The following PDGFB variants were observed in gnomAD, a reference collection of about 807,000 sequenced individuals.
The protein encoded by PDGFB is platelet-derived growth factor subunit B.
PDGFB carries 6 observed loss-of-function variants against 29.0 expected under a neutral mutation model. That is an observed-to-expected ratio of 0.21 (90% CI 0.11 to 0.41). PDGFB has a LOEUF of 0.41. Ranked by LOEUF, PDGFB falls within the 10% of genes least tolerant of loss-of-function variation. The pLI, the probability that PDGFB is intolerant of heterozygous loss-of-function variation, is 1.00. For missense variants in PDGFB, 299 were observed against 341.8 expected, an observed-to-expected ratio of 0.87 and a Z score of 0.99; for synonymous variants, 144 against 140.8, an observed-to-expected ratio of 1.02 and a Z score of -0.16.
Position 39,242,327 on chromosome 22 carries a change from G to T in PDGFB, c.63+1574C>A, listed in dbSNP as rs913241270. On this transcript the variant is annotated intron_variant, in intron 1 of 6. Coordinates refer to ENST00000331163, the MANE Select transcript of PDGFB (RefSeq NM_002608.4). The surrounding 1 kb of genome is among the most constrained non-coding windows in gnomAD (Gnocchi z 5.7). ...TGAGCGAGTCGGGGGCCCGGGCGGG[G>T]TGGGCTGCGGAGAGCAGCCACGGGG... 2 of 206,614 alleles carry T rather than the reference G, an allele frequency of 9.7e-6. No homozygotes were observed. The highest frequency in any genetic ancestry group is 2.0e-5 in the Non-Finnish European group (2 of 101,358). 12.8% of individuals were successfully genotyped at this position (206,614 alleles called of 1,614,324 possible).
At chr22:39,230,053 G>C in intron 5 of PDGFB, 31 bp downstream of exon 5, 1 of 1,609,828 alleles carries the variant, frequency 6.2e-7, no homozygotes, top group Non-Finnish European at 8.5e-7. Context: ...AGGGGAAGGG[G>C]GCTGAGGGCT....
In PDGFB at chr22:39,231,911, G is replaced by A. The variant is rs1474219251; in HGVS notation, c.251-84C>T. 13 of 1,159,542 alleles carry A rather than the reference G, an allele frequency of 1.1e-5. No homozygotes were observed. The highest frequency in any genetic ancestry group is 5.1e-5 in the East Asian group (2 of 39,442). 71.8% of individuals were successfully genotyped at this position (1,159,542 alleles called of 1,614,324 possible). On this transcript the variant is annotated intron_variant, in intron 3 of 6. Coordinates refer to ENST00000331163, the MANE Select transcript of PDGFB (RefSeq NM_002608.4). The surrounding 1 kb of genome is among the most constrained non-coding windows in gnomAD (Gnocchi z 4.3). ...GCAGGGGAGCTCAGCGGGTGCCTCC[G>A]GGACTGCTCTTTCTCACGCCCTTCA...
At position 39,225,633 on chromosome 22, in the gene PDGFB, C is replaced by T. The variant is rs966878286; in HGVS notation, c.*28+62G>A. The T allele has an allele frequency of 5.1e-5, 75 of 1,475,524 alleles. No individual in the cohort carries two copies. In the South Asian group the frequency reaches 8.7e-4, roughly 17 times the overall value. The allele number at this position is 1,475,524 out of a possible 1,614,324, so 91.4% of individuals were successfully genotyped here. On this transcript the variant is annotated intron_variant, in intron 6 of 6. Transcript: ENST00000331163. The stretch of plus-strand genomic sequence containing the variant: ...GAAAAATCCTTTCCCCTGACCCCAT[C>T]CACAGACCACAGAGAAGAAAACACA...
intron 1 of PDGFB, 102 bp from the exon 2 acceptor site, chr22:39,235,976 C>T (rs1932434217): frequency 1.5e-5 from 12 of 797,820 alleles, no homozygotes; most frequent in Non-Finnish European, 2.5e-5. Context: ...CTGTGGAAAG[C>T]TCCAAGGTCA....
chr22:39,225,669 C>T, intron 6 of PDGFB, 26 bp downstream of exon 6: 2 of 1,586,436 alleles, frequency 1.3e-6, no homozygotes, highest in African/African-American at 2.7e-5. Context: ...GGATTCTGGG[C>T]CTCAGTTGCC....
rs1032650047 is a variant in PDGFB, at chr22:39,244,041, TG to T, written c.-79del. 1 of 137,500 alleles carries T rather than the reference TG, an allele frequency of 7.3e-6. No homozygotes were observed. The allele number at this position is 137,500 out of a possible 1,614,324, so 8.5% of individuals were successfully genotyped here. A position where few individuals can be genotyped will look rare whatever the true frequency, so the allele number is the denominator to read the frequency against. ...CGCCCCCGCGGCCAGGGTGGGGGGC[TG>T]GGGAGGGGGGTGGGCTCGGCTCGGG... On this transcript the variant is annotated 5_prime_UTR_variant, in exon 1 of 7. Transcript: ENST00000331163. The surrounding 1 kb of genome is among the most constrained non-coding windows in gnomAD (Gnocchi z 4.5).
chr22:39,228,814 A>C (rs1207274397), intron 5 of PDGFB, among the ~76,000 whole-genome samples: 1 of 151,426 alleles, frequency 6.6e-6, no homozygotes, highest in Non-Finnish European at 1.5e-5. Flanking sequence ...GCTTGAACCC[A>C]GGAGGTAGAG....
At position 39,243,785 on chromosome 22, in the gene PDGFB, TCAGGCTCG is replaced by T. The variant is rs1407499007; in HGVS notation, c.63+108_63+115del. ...CGAAGAGGTCACCCAGCGCCCGGCGTCAGGCTCGCGGGCTGCAAGGGTCCAAAGTTCAC... is the reference window on the plus strand; with the variant it reads ...CGAAGAGGTCACCCAGCGCCCGGCGTCGGGCTGCAAGGGTCCAAAGTTCAC... On this transcript the variant is annotated intron_variant, in intron 1 of 6. Transcript: ENST00000331163. This position sits in a 1 kb window ranked among gnomAD's most constrained non-coding sequence, Gnocchi z 6.4. 1.3e-6 allele frequency: 1 copy of T among 752,648 alleles called. No homozygotes were observed. The highest frequency in any genetic ancestry group is 3.2e-5 in the East Asian group (1 of 30,782). The allele number at this position is 752,648 out of a possible 1,614,324, so 46.6% of individuals were successfully genotyped here. A position where few individuals can be genotyped will look rare whatever the true frequency, so the allele number is the denominator to read the frequency against.
At chr22:39,240,902 C>G in intron 1 of PDGFB, 1 of 1,603,156 alleles carries the variant, frequency 6.2e-7, no homozygotes, top group Non-Finnish European at 8.5e-7. Flanking sequence ...CAGTCTCTCT[C>G]TCTCTCTCTC....
chr22:39,237,953 G>A (rs547952735), intron 1 of PDGFB, among the ~76,000 whole-genome samples: 14 of 152,368 alleles, frequency 9.2e-5, no homozygotes, highest in Admixed American at 4.6e-4. Flanking sequence ...AACAAGAAGC[G>A]TTTGTGGAGT....
rs144688352 is a variant in PDGFB, at chr22:39,243,173, A to G, written c.63+728T>C. On this transcript the variant is annotated intron_variant, in intron 1 of 6. Transcript: ENST00000331163. This position sits in a 1 kb window ranked among gnomAD's most constrained non-coding sequence, Gnocchi z 6.4. ...GGGGCTGGATTCCTTCAGAGCCCCT[A>G]GTCCTCCCCCTACCCGAGTGCCCGA... Among the ~76,000 whole-genome samples the G allele has an allele frequency of 3.1e-4, 47 of 151,988 alleles. No homozygotes were observed. Among genetic ancestry groups the G allele is most frequent in the African/African-American group, 1.1e-3 (45 of 41,436 alleles).
intron 6 of PDGFB, 103 bp downstream of exon 6, chr22:39,225,592 G>A: frequency 5.9e-6 from 7 of 1,195,916 alleles, no homozygotes; most frequent in Non-Finnish European, 8.1e-6. Flanking sequence ...AAGGCTCAGA[G>A]GCTGGATTTT....
rs1346094227 is a variant in PDGFB, at chr22:39,242,494, G to A, written c.63+1407C>T. On this transcript the variant is annotated intron_variant, in intron 1 of 6. Coordinates refer to ENST00000331163, the MANE Select transcript of PDGFB (RefSeq NM_002608.4). This position sits in a 1 kb window ranked among gnomAD's most constrained non-coding sequence, Gnocchi z 5.7. ...GGGGCTGCGGGAGAGGCGGAGAGGG[G>A]GCGTCGGGAGGGGCCTGAAGGCGGC... Among the ~76,000 whole-genome samples the A allele has an allele frequency of 6.6e-6, 1 of 150,520 alleles. No individual in the cohort carries two copies. The highest frequency in any genetic ancestry group is 2.4e-5 in the African/African-American group (1 of 41,228).
rs368848139 is a variant in PDGFB, at chr22:39,223,529, ATGTGTG to A, written c.*1807_*1812del. On this transcript the variant is annotated 3_prime_UTR_variant, in exon 7 of 7. Transcript: ENST00000331163. ...TATGTGCACGCATGTGTGAGCATGT[ATGTGTG>A]TGTGTGTGTATGTGCACGCCAGTGT... 48 of 151,700 alleles carry A rather than the reference ATGTGTG, an allele frequency of 3.2e-4. No individual in the cohort carries two copies. The highest frequency in any genetic ancestry group is 1.1e-3 in the African/African-American group (45 of 41,314). The allele number at this position is 151,700 out of a possible 1,614,324, so 9.4% of individuals were successfully genotyped here. A position where few individuals can be genotyped will look rare whatever the true frequency, so the allele number is the denominator to read the frequency against.
At chr22:39,235,650 C>G (rs1226660671) in intron 2 of PDGFB, 128 bp downstream of exon 2, 1 of 686,364 alleles carries the variant, frequency 1.5e-6, no homozygotes, top group Non-Finnish European at 2.5e-6. Flanking sequence ...TGGCCACGCT[C>G]TCTCTGGGCT....
chr22:39,227,184 C>G (rs1206120638), intron 5 of PDGFB, among the ~76,000 whole-genome samples: 1 of 152,044 alleles, frequency 6.6e-6, no homozygotes, highest in Non-Finnish European at 1.5e-5. Flanking sequence ...GTCTTGAACT[C>G]CTGACCTCAA....
intron 4 of PDGFB, among the ~76,000 whole-genome samples, chr22:39,230,816 G>A (rs1932284716): frequency 6.6e-6 from 1 of 152,228 alleles, no homozygotes; most frequent in South Asian, 2.1e-4. Context: ...TAAGCAGGCA[G>A]AGCATCGGGC....
At position 39,242,863 on chromosome 22, in the gene PDGFB, G is replaced by T. The variant is rs528105215; in HGVS notation, c.63+1038C>A. ...GTGGGACGGTACCCAGTCACGCCGCGCTCCCGGCTGCCCTCTCCTCCCCTC... is the reference window on the plus strand; with the variant it reads ...GTGGGACGGTACCCAGTCACGCCGCTCTCCCGGCTGCCCTCTCCTCCCCTC... On this transcript the variant is annotated intron_variant, in intron 1 of 6. Coordinates refer to ENST00000331163, the MANE Select transcript of PDGFB (RefSeq NM_002608.4). This position sits in a 1 kb window ranked among gnomAD's most constrained non-coding sequence, Gnocchi z 5.7. 225 of 232,498 alleles carry T rather than the reference G, an allele frequency of 9.7e-4. No individual in the cohort carries two copies. The highest frequency in any genetic ancestry group is 1.6e-3 in the Non-Finnish European group (188 of 117,542). 14.4% of individuals were successfully genotyped at this position (232,498 alleles called of 1,614,324 possible).
intron 1 of PDGFB, among the ~76,000 whole-genome samples, chr22:39,239,568 G>A (rs1427638285): frequency 2.0e-5 from 3 of 152,144 alleles, no homozygotes; most frequent in Non-Finnish European, 4.4e-5. Flanking sequence ...CAGGCCTCCA[G>A]GTGGACAGCT....
Sources: allele counts gnomAD v4.1 joint callset (sites outside exome capture counted in the v4.1 genomes callset), GRCh38; gene constraint gnomAD v4.1.1; non-coding constraint Gnocchi (gnomAD v3.1); transcripts MANE v1.5; gene names NCBI Gene and HGNC (gene_info 2026-07-23, HGNC 2026-07-21).